Variants in JPH2 observed in about 807,000 individuals in gnomAD.
JPH2 encodes junctophilin-2.
In JPH2, 38 loss-of-function variants were observed where a neutral mutation model predicts 55.9. The ratio of observed to expected loss-of-function variants is 0.68; its 90% CI spans 0.52 to 0.89. JPH2 has a LOEUF of 0.89. Ranked by LOEUF, JPH2 falls within the 40% of genes least tolerant of loss-of-function variation. JPH2 has a pLI of 0.00. For missense variants in JPH2, 964 were observed against 1,037.6 expected, an observed-to-expected ratio of 0.93 and a Z score of 0.97; for synonymous variants, 480 against 472.4, an observed-to-expected ratio of 1.02 and a Z score of -0.21.
rs996162952 is a variant in JPH2, at chr20:44,149,860, T to C, written c.1169+9758A>G. 2.0e-5 allele frequency among the ~76,000 whole-genome samples: 3 copies of C among 150,554 alleles called. No individual in the cohort carries two copies. The Admixed American group carries it at 2.0e-4, about 10-fold the overall frequency. ...AGGAGTGGCGGCGCATGCCTGTAAT[T>C]CCAACTACTGGGGAGGCTGAGGCAT... is the stretch of plus-strand genomic sequence containing the variant. On this transcript the variant is annotated intron_variant, in intron 2 of 5. Coordinates refer to ENST00000372980, the MANE Select transcript of JPH2 (RefSeq NM_020433.5).
At chr20:44,134,671 TATATTTATAAA>T (rs2072387008) in intron 2 of JPH2, among the ~76,000 whole-genome samples, 1 of 29,230 alleles carries the variant, frequency 3.4e-5, no homozygotes, top group South Asian at 1.6e-3. Flanking sequence ...TATATAAATA[TATATTTATAAA>T]TATTATAAAT....
rs2072603785 is a variant in JPH2, at chr20:44,160,574, G to A, written c.380-167C>T. Reference sequence around the variant, plus strand: ...GTGCTATGAGTGTTTGAGTCTACTCGAGTGTGCAATAACACGAGTGGGTGA... The same window carrying A: ...GTGCTATGAGTGTTTGAGTCTACTCAAGTGTGCAATAACACGAGTGGGTGA... On this transcript the variant is annotated intron_variant, in intron 1 of 5. Transcript: ENST00000372980. This position sits in a 1 kb window ranked among gnomAD's most constrained non-coding sequence, Gnocchi z 4.9. Among the ~76,000 whole-genome samples the A allele has an allele frequency of 6.6e-6, 1 of 152,216 alleles. No individual in the cohort carries two copies. Among genetic ancestry groups the A allele is most frequent in the African/African-American group, 2.4e-5 (1 of 41,456 alleles).
chr20:44,168,338 ATT>A (rs1234026480), intron 1 of JPH2, among the ~76,000 whole-genome samples: 2 of 152,084 alleles, frequency 1.3e-5, no homozygotes, highest in African/African-American at 4.8e-5. Context: ...AAAATATCTC[ATT>A]AATGATTGTA....
rs554872433 is a variant in JPH2, at chr20:44,166,944, G to A, written c.380-6537C>T. Among the ~76,000 whole-genome samples the A allele has an allele frequency of 7.2e-5, 11 of 152,252 alleles. No homozygotes were observed. The East Asian group carries it at 1.2e-3, about 16-fold the overall frequency. ...CAGCCCACAAAACCTGGCAGGGGCC[G>A]CCCCTGCCACCTCCCCTGCCTCATC... On this transcript the variant is annotated intron_variant, in intron 1 of 5. Transcript: ENST00000372980.
At chr20:44,172,194 T>C (rs941029897) in intron 1 of JPH2, among the ~76,000 whole-genome samples, 3 of 152,212 alleles carry the variant, frequency 2.0e-5, no homozygotes, top group Admixed American at 6.5e-5. Flanking sequence ...AGAGGTTTCC[T>C]GGGATGTGGA....
intron 2 of JPH2, among the ~76,000 whole-genome samples, chr20:44,145,774 C>T (rs1333786322): frequency 2.0e-5 from 3 of 152,074 alleles, no homozygotes; most frequent in Non-Finnish European, 4.4e-5. Flanking sequence ...CGAGAGCCTC[C>T]CTCACCCTGC....
At chr20:44,135,812 A>G (rs564980066) in intron 2 of JPH2, among the ~76,000 whole-genome samples, 2 of 152,176 alleles carry the variant, frequency 1.3e-5, no homozygotes, top group Non-Finnish European at 2.9e-5. Flanking sequence ...CAAGAAGGGG[A>G]AACTGTGGCC....
At chr20:44,170,048 T>C (rs1008896951) in intron 1 of JPH2, among the ~76,000 whole-genome samples, 1 of 152,112 alleles carries the variant, frequency 6.6e-6, no homozygotes, top group African/African-American at 2.4e-5. Context: ...AGGTATTCTG[T>C]TATAAGTAAC....
chr20:44,126,168 G>GGAAGGAAGGA (rs1555854537), intron 2 of JPH2, among the ~76,000 whole-genome samples: 4,641 of 36,154 alleles, frequency 0.13, 356 homozygotes, highest in Non-Finnish European at 0.16. Context: ...GGGAGGGAGG[G>GGAAGGAAGGA]AGGAAGGAAG....
At chr20:44,119,856 A>G (rs2072222098) in intron 2 of JPH2, among the ~76,000 whole-genome samples, 1 of 136,524 alleles carries the variant, frequency 7.3e-6, no homozygotes, top group Admixed American at 7.7e-5. Context: ...CCTGGGCAAC[A>G]GGGTGAGACT....
intron 1 of JPH2, among the ~76,000 whole-genome samples, chr20:44,181,411 C>T (rs904378345): frequency 2.0e-5 from 3 of 152,140 alleles, no homozygotes; most frequent in Non-Finnish European, 4.4e-5. Context: ...GAAAATAATA[C>T]TTTATCTTAT....
chr20:44,168,233 G>C (rs1408709417), intron 1 of JPH2, among the ~76,000 whole-genome samples: 5 of 152,146 alleles, frequency 3.3e-5, no homozygotes, highest in Non-Finnish European at 5.9e-5. Flanking sequence ...TTTCTGCCCG[G>C]TTTGTAAGTT....
At chr20:44,175,425 T>C (rs972928993) in intron 1 of JPH2, among the ~76,000 whole-genome samples, 1 of 152,246 alleles carries the variant, frequency 6.6e-6, no homozygotes, top group Non-Finnish European at 1.5e-5. Flanking sequence ...GTTACATTTT[T>C]CCCGTAACAA....
At position 44,112,262 on chromosome 20, in the gene JPH2, C is replaced by T. The variant is rs1457003142; in HGVS notation, c.*1256G>A. 6.6e-6 allele frequency: 1 copy of T among 152,296 alleles called. No individual in the cohort carries two copies. The highest frequency in any genetic ancestry group is 2.4e-5 in the African/African-American group (1 of 41,458). 9.4% of individuals were successfully genotyped at this position (152,296 alleles called of 1,614,324 possible). ...CTTGGATGCCACGTCCTTCCCCAGG[C>T]TTGGAGGGGCCTGGAAGCCCTTTCT... is the stretch of plus-strand genomic sequence containing the variant. On this transcript the variant is annotated 3_prime_UTR_variant, in exon 6 of 6. Coordinates refer to ENST00000372980, the MANE Select transcript of JPH2 (RefSeq NM_020433.5).
intron 1 of JPH2, among the ~76,000 whole-genome samples, chr20:44,176,316 G>GTA (rs1226182561): frequency 6.9e-5 from 8 of 116,178 alleles, no homozygotes; most frequent in South Asian, 3.1e-4. Flanking sequence ...GATCCTATCT[G>GTA]TCTTTTTTTT....
chr20:44,115,942 G>A lies in JPH2; in HGVS notation c.1733C>T (p.Pro578Leu). The A allele has an allele frequency of 6.4e-7, 1 of 1,568,590 alleles. No individual in the cohort carries two copies. The highest frequency in any genetic ancestry group is 8.6e-7 in the Non-Finnish European group (1 of 1,164,120). The stretch of plus-strand genomic sequence containing the variant: ...CTCGGGCTGGTCCTCAAAGGGTGGG[G>A]GCTCGGGCGGCGTGGTGCGCACAGC... ...SYAVRTTPPEPPPFEDQPEPE... is the reference protein window; with the variant it reads ...SYAVRTTPPELPPFEDQPEPE... The change falls in exon 4 of 6, where the codon CCC becomes CTC. Residue 578 changes from proline (P) to leucine (L), a missense_variant. By Grantham distance (98) the Pro-to-Leu change is moderately conservative (BLOSUM62 -3). Transcript: ENST00000372980.
Position 44,112,589 on chromosome 20 carries a change from C to A in JPH2, c.*929G>T, listed in dbSNP as rs1194015331. 1 of 152,212 alleles carries A rather than the reference C, an allele frequency of 6.6e-6. No homozygotes were observed. The highest frequency in any genetic ancestry group is 1.5e-5 in the Non-Finnish European group (1 of 68,088). The allele number at this position is 152,212 out of a possible 1,614,324, so 9.4% of individuals were successfully genotyped here. On this transcript the variant is annotated 3_prime_UTR_variant, in exon 6 of 6. Transcript: ENST00000372980. ...GGGCTTCCATGGGCTTCTGTGCTCC[C>A]CTGAGCTTTCGGTGGGCCCTGATGG...
chr20:44,116,239 C>A lies in JPH2; in HGVS notation c.1436G>T (p.Arg479Leu), dbSNP rs1229570054. The A allele has an allele frequency of 2.7e-6, 4 of 1,461,202 alleles. No homozygotes were observed. The Admixed American group carries it at 7.6e-5, about 28-fold the overall frequency. The allele number at this position is 1,461,202 out of a possible 1,614,324, so 90.5% of individuals were successfully genotyped here. A position where few individuals can be genotyped will look rare whatever the true frequency, so the allele number is the denominator to read the frequency against. Residue 479 changes from arginine to leucine, a missense_variant, in exon 4 of 6, where the codon CGG (arginine) becomes CTG (leucine). Transcript: ENST00000372980. ...SPQLHERETP[R>L]PEGGSPSPAG... ...CGGTGACGGGGAGCCACCCTCGGGCCGAGGGGTCTCACGCTCGTGCAGCTG... is the reference window on the plus strand; with the variant it reads ...CGGTGACGGGGAGCCACCCTCGGGCAGAGGGGTCTCACGCTCGTGCAGCTG...
At chr20:44,113,686 G>A (rs1344947071) in intron 5 of JPH2, among the ~76,000 whole-genome samples, 183 bp from the exon 6 acceptor site, 2 of 152,186 alleles carry the variant, frequency 1.3e-5, no homozygotes, top group African/African-American at 4.8e-5. Flanking sequence ...GGTCCCCGAG[G>A]CCTCTCCTGG....
Sources: allele counts gnomAD v4.1 joint callset (sites outside exome capture counted in the v4.1 genomes callset), GRCh38; gene constraint gnomAD v4.1.1; non-coding constraint Gnocchi (gnomAD v3.1); transcripts MANE v1.5; gene names NCBI Gene and HGNC (gene_info 2026-07-23, HGNC 2026-07-21).